CRYBG2: variants seen among roughly 807,000 people sequenced by gnomAD.
The protein encoded by CRYBG2 is beta/gamma crystallin domain-containing protein 2.
In CRYBG2, 106 loss-of-function variants were observed where a neutral mutation model predicts 153.4. That is an observed-to-expected ratio of 0.69 (90% confidence interval 0.59 to 0.81). The LOEUF (loss-of-function observed/expected upper bound fraction) is 0.81, where lower values mean the gene tolerates loss of function less well. Ranked by LOEUF, CRYBG2 falls within the 30% of genes least tolerant of loss-of-function variation. The pLI is 0.00. For synonymous variants in CRYBG2, 851 were observed against 877.8 expected, an observed-to-expected ratio of 0.97 and a Z score of 0.54; for missense variants, 1,996 against 2,112.0, an observed-to-expected ratio of 0.95 and a Z score of 1.08.
chr1:26,337,211 T>C (rs774809985), intron 10 of CRYBG2, 42 bp downstream of exon 10: 6 of 1,611,600 alleles, frequency 3.7e-6, no homozygotes, highest in Non-Finnish European at 5.1e-6. Context: ...GAGGTCTGGC[T>C]GTGGCCAGAG....
At chr1:26,332,927 T>C (rs986868388) in intron 14 of CRYBG2, among the ~76,000 whole-genome samples, 2 of 148,684 alleles carry the variant, frequency 1.3e-5, no homozygotes, top group Admixed American at 1.4e-4. Context: ...AATATTTGGC[T>C]TCTATAGTTA....
chr1:26,323,198 G>A (rs1470200054), intron 18 of CRYBG2, among the ~76,000 whole-genome samples: 5 of 150,742 alleles, frequency 3.3e-5, no homozygotes, highest in African/African-American at 1.2e-4. Context: ...CTCCCACCTC[G>A]GCCTCCTGAG....
At chr1:26,351,127 C>A (rs1038283006) in intron 1 of CRYBG2, among the ~76,000 whole-genome samples, 1 of 152,146 alleles carries the variant, frequency 6.6e-6, no homozygotes, top group Admixed American at 6.5e-5. Flanking sequence ...CAGGCCAGGG[C>A]TTCCTGAGAG....
intron 19 of CRYBG2, 48 bp downstream of exon 19, chr1:26,322,116 G>GGCTCTCA: frequency 6.3e-7 from 1 of 1,599,724 alleles, no homozygotes; most frequent in Non-Finnish European, 8.6e-7. Flanking sequence ...GGGACTCCAT[G>GGCTCTCA]GCTCTCAGCC....
rs1401915428 is a variant in CRYBG2, at chr1:26,325,743, C to T, written c.4579-1433G>A. 6.6e-6 allele frequency among the ~76,000 whole-genome samples: 1 copy of T among 152,034 alleles called. No homozygotes were observed. The highest frequency in any genetic ancestry group is 1.5e-5 in the Non-Finnish European group (1 of 67,986). On this transcript the variant is annotated intron_variant, in intron 17 of 19. Coordinates refer to ENST00000308182, the MANE Select transcript of CRYBG2 (RefSeq NM_001039775.4). This position sits in a 1 kb window ranked among gnomAD's most constrained non-coding sequence, Gnocchi z 4.1. Reference sequence around the variant, plus strand: ...TGCACACACACATACACACAGAGCCCATGGCCTTACCATTTATCTGCACAT... The same window carrying T: ...TGCACACACACATACACACAGAGCCTATGGCCTTACCATTTATCTGCACAT...
At position 26,328,376 on chromosome 1, in the gene CRYBG2, CACAG is replaced by C. The variant is rs749857523; in HGVS notation, c.4455-48_4455-45del. ...AGGGACACAGAGAAGAGCACAGACACACAGACAGACAGACAGGTGGAGGAGGAGA... is the reference window on the plus strand; with the variant it reads ...AGGGACACAGAGAAGAGCACAGACACACAGACAGACAGGTGGAGGAGGAGA... On this transcript the variant is annotated intron_variant, in intron 16 of 19. Coordinates refer to ENST00000308182, the MANE Select transcript of CRYBG2 (RefSeq NM_001039775.4). The C allele has an allele frequency of 1.9e-5, 30 of 1,548,586 alleles. No homozygotes were observed. In the East Asian group the frequency reaches 2.9e-4, roughly 15 times the overall value.
chr1:26,336,993 G>C lies in CRYBG2; in HGVS notation c.3772-13C>G. ...GGTCCCCGAAGTCCTGGGTCCCCAG[G>C]GACAGTCAGGTCTCTCCCGCCCACA... On this transcript the variant is annotated splice_polypyrimidine_tract_variant and intron_variant, in intron 10 of 19. Coordinates refer to ENST00000308182, the MANE Select transcript of CRYBG2 (RefSeq NM_001039775.4). This position sits in a 1 kb window ranked among gnomAD's most constrained non-coding sequence, Gnocchi z 4.9. 1.2e-6 allele frequency: 2 copies of C among 1,613,230 alleles called. No homozygotes were observed. Among genetic ancestry groups the C allele is most frequent in the South Asian group, 1.1e-5 (1 of 90,958 alleles).
At position 26,325,192 on chromosome 1, in the gene CRYBG2, A is replaced by G. The variant is rs1457851781; in HGVS notation, c.4579-882T>C. 1 of 152,182 alleles carries G rather than the reference A, an allele frequency of 6.6e-6. No individual in the cohort carries two copies. Among genetic ancestry groups the G allele is most frequent in the Non-Finnish European group, 1.5e-5 (1 of 68,014 alleles). The allele number at this position is 152,182 out of a possible 1,614,324, so 9.4% of individuals were successfully genotyped here. The stretch of plus-strand genomic sequence containing the variant: ...GATGTTATGAGTCTTGAATACAAGA[A>G]CTACACAAATATCCTTATACAAAGA... On this transcript the variant is annotated intron_variant, in intron 17 of 19. Coordinates refer to ENST00000308182, the MANE Select transcript of CRYBG2 (RefSeq NM_001039775.4). The surrounding 1 kb of genome is among the most constrained non-coding windows in gnomAD (Gnocchi z 4.1).
At position 26,321,887 on chromosome 1, in the gene CRYBG2, T is replaced by C. The variant is rs2073860008; in HGVS notation, c.*81A>G. ...GGGTACCTGGCAGCATATTAGAAAATAGCTTATGTTACAACAAAAACCCTA... is the reference window on the plus strand; with the variant it reads ...GGGTACCTGGCAGCATATTAGAAAACAGCTTATGTTACAACAAAAACCCTA... On this transcript the variant is annotated 3_prime_UTR_variant, in exon 20 of 20. Transcript: ENST00000308182. 2.4e-6 allele frequency: 3 copies of C among 1,243,014 alleles called. No individual in the cohort carries two copies. The highest frequency in any genetic ancestry group is 3.3e-6 in the Non-Finnish European group (3 of 913,894). 77.0% of individuals were successfully genotyped at this position (1,243,014 alleles called of 1,614,324 possible).
Position 26,340,079 on chromosome 1 carries a change from A to G in CRYBG2, c.3205-650T>C, listed in dbSNP as rs184976320. Among the ~76,000 whole-genome samples, 47 of 152,286 alleles carry G rather than the reference A, an allele frequency of 3.1e-4. No homozygotes were observed. In the East Asian group the frequency reaches 7.1e-3, roughly 23 times the overall value. On this transcript the variant is annotated intron_variant, in intron 5 of 19. Coordinates refer to ENST00000308182, the MANE Select transcript of CRYBG2 (RefSeq NM_001039775.4). ...ATGGACAGCCACTTCCTGAGTTCCAACTTTGACTCCTTCTTTAGGTACGGT... is the reference window on the plus strand; with the variant it reads ...ATGGACAGCCACTTCCTGAGTTCCAGCTTTGACTCCTTCTTTAGGTACGGT...
In CRYBG2 at chr1:26,335,983, A is replaced by G. The variant is rs1047973762; in HGVS notation, c.4184+112T>C. 6 of 833,294 alleles carry G rather than the reference A, an allele frequency of 7.2e-6. No individual in the cohort carries two copies. The African/African-American group carries it at 8.6e-5, about 12-fold the overall frequency. 51.6% of individuals were successfully genotyped at this position (833,294 alleles called of 1,614,324 possible). A position where few individuals can be genotyped will look rare whatever the true frequency, so the allele number is the denominator to read the frequency against. On this transcript the variant is annotated intron_variant, in intron 14 of 19. Transcript: ENST00000308182. ...ATTTTGTTTTAAAATTGCGCAAGAC[A>G]GAACAGTTCATCGCAAGGTAGCCAA...
chr1:26,352,460 A>T (rs1218123882), intron 1 of CRYBG2, among the ~76,000 whole-genome samples: 5 of 152,034 alleles, frequency 3.3e-5, no homozygotes. Flanking sequence ...TTCCCCTTGA[A>T]ATTCACCTAC....
At chr1:26,349,226 A>T (rs974641936) in intron 1 of CRYBG2, among the ~76,000 whole-genome samples, 1 of 152,084 alleles carries the variant, frequency 6.6e-6, no homozygotes, top group Non-Finnish European at 1.5e-5. Context: ...CCGTTAGGGC[A>T]CTTGGGCTTT....
intron 5 of CRYBG2, among the ~76,000 whole-genome samples, chr1:26,342,339 C>T (rs905440865): frequency 1.3e-5 from 2 of 152,168 alleles, no homozygotes; most frequent in Admixed American, 6.5e-5. Flanking sequence ...GTCAGCTCCA[C>T]GGTCAAGAAT....
intron 7 of CRYBG2, 50 bp from the exon 8 acceptor site, chr1:26,338,097 A>T: frequency 6.2e-7 from 1 of 1,601,652 alleles, no homozygotes; most frequent in Non-Finnish European, 8.5e-7. Context: ...GGAAAGACAG[A>T]TGGGGCTGCG....
Position 26,346,686 on chromosome 1 carries a change from G to A in CRYBG2, c.-29C>T. The A allele has an allele frequency of 3.3e-6, 5 of 1,493,262 alleles. No individual in the cohort carries two copies. Among genetic ancestry groups the A allele is most frequent in the Non-Finnish European group, 4.5e-6 (5 of 1,119,466 alleles). 92.5% of individuals were successfully genotyped at this position (1,493,262 alleles called of 1,614,324 possible). ...GGGCCCTGGCAACCTGTCTGGAGGT[G>A]TCCTTGTCCCACTGTGGTCCAGCTC... On this transcript the variant is annotated 5_prime_UTR_variant, in exon 2 of 20. Transcript: ENST00000308182. This position sits in a 1 kb window ranked among gnomAD's most constrained non-coding sequence, Gnocchi z 4.9.
intron 14 of CRYBG2, among the ~76,000 whole-genome samples, chr1:26,332,275 C>A (rs1457600868): frequency 2.0e-5 from 3 of 147,146 alleles, no homozygotes; most frequent in Non-Finnish European, 4.5e-5. Flanking sequence ...CCACTACACT[C>A]CAGCCTGGGC....
At chr1:26,329,033 G>A (rs1290887846) in intron 15 of CRYBG2, among the ~76,000 whole-genome samples, 160 bp from the exon 16 acceptor site, 5 of 152,040 alleles carry the variant, frequency 3.3e-5, no homozygotes, top group Non-Finnish European at 7.4e-5. Flanking sequence ...GCTGCCAGCC[G>A]AGTGCTCCTG....
Position 26,343,112 on chromosome 1 carries a change from G to A in CRYBG2, c.3009C>T (p.Val1003=). The A allele has an allele frequency of 6.4e-7, 1 of 1,550,392 alleles. No homozygotes were observed. The highest frequency in any genetic ancestry group is 8.7e-7 in the Non-Finnish European group (1 of 1,146,952). ...ESGCQGSGRE[V]WGDIVDASGW... is the part of the protein sequence containing the mutation. ...CTGAGGCATCAACGATGTCTCCCCA[G>A]ACCTCCCTGCCACTGCCTTGGCAGC... Residue 1003 remains valine (V), a synonymous_variant, in exon 4 of 20, where the codon GTC becomes GTT. Transcript: ENST00000308182. This position sits in a 1 kb window ranked among gnomAD's most constrained non-coding sequence, Gnocchi z 4.1.
Sources: allele counts gnomAD v4.1 joint callset (sites outside exome capture counted in the v4.1 genomes callset), GRCh38; gene constraint gnomAD v4.1.1; non-coding constraint Gnocchi (gnomAD v3.1); transcripts MANE v1.5; gene names NCBI Gene and HGNC (gene_info 2026-07-23, HGNC 2026-07-21).